Variants in CHRNA5 observed in about 807,000 individuals in gnomAD.
The protein encoded by CHRNA5 is neuronal acetylcholine receptor subunit alpha-5.
CHRNA5 carries 28 observed loss-of-function variants against 41.2 expected under a neutral mutation model. The ratio of observed to expected loss-of-function variants is 0.68; its 90% CI spans 0.50 to 0.93. The LOEUF is 0.93. Among genes scored for constraint, CHRNA5 ranks in the 40% least tolerant of loss-of-function variants. The pLI is 0.00. For missense variants in CHRNA5, 481 were observed against 581.9 expected (o/e 0.83, Z 1.78); for synonymous variants, 188 against 205.8 (o/e 0.91, Z 0.74).
intron 1 of CHRNA5, among the ~76,000 whole-genome samples, chr15:78,569,444 T>C (rs1345406880): frequency 6.6e-6 from 1 of 151,362 alleles, no homozygotes; most frequent in African/African-American, 2.4e-5. Context: ...TTTTTTTTTT[T>C]TTTTTTTGAG....
intron 2 of CHRNA5, among the ~76,000 whole-genome samples, chr15:78,585,791 CT>C (rs752254237): frequency 1.8e-4 from 23 of 130,568 alleles, no homozygotes; most frequent in Non-Finnish European, 1.7e-4. Context: ...TCTTTTCTTT[CT>C]TTTTTTTTTT....
intron 5 of CHRNA5, 35 bp downstream of exon 5, chr15:78,590,671 T>A: frequency 2.0e-6 from 3 of 1,537,630 alleles, no homozygotes; most frequent in Non-Finnish European, 2.6e-6. Context: ...CAGATCTTCT[T>A]CCATTTTAAG....
At position 78,571,683 on chromosome 15, in the gene CHRNA5, G is replaced by A. The variant is rs542036831; in HGVS notation, c.106+5858G>A. On this transcript the variant is annotated intron_variant, in intron 1 of 5. Transcript: ENST00000299565. Reference sequence around the variant, plus strand: ...CTAAGGTCATTCATTTTCTTACTGCGAGTGTTCTGAGAGTCAGGGTAAGAT... The same window carrying A: ...CTAAGGTCATTCATTTTCTTACTGCAAGTGTTCTGAGAGTCAGGGTAAGAT... Among the ~76,000 whole-genome samples the A allele has an allele frequency of 5.1e-4, 76 of 150,370 alleles. 1 individual carries two copies. In the South Asian group the frequency reaches 0.014, roughly 28 times the overall value.
rs540827931 is a variant in CHRNA5 at position 78,568,663 on chromosome 15, G to A, written c.106+2838G>A. The stretch of plus-strand genomic sequence containing the variant: ...CCAACCTCCCGACAGACCCTGATGT[G>A]TGATGTTCCCCTCCCTGTGTCCATG... On this transcript the variant is annotated intron_variant, in intron 1 of 5. Transcript: ENST00000299565. 2.0e-5 allele frequency among the ~76,000 whole-genome samples: 3 copies of A among 152,078 alleles called. No homozygotes were observed. In the East Asian group the frequency reaches 5.8e-4, roughly 29 times the overall value.
chr15:78,589,703 A>G, intron 4 of CHRNA5, 102 bp from the exon 5 acceptor site: 1 of 889,768 alleles, frequency 1.1e-6, no homozygotes, highest in Non-Finnish European at 1.7e-6. Flanking sequence ...AAATTATTTC[A>G]TGCAATCAAT....
chr15:78,573,633 T>A lies in CHRNA5; in HGVS notation c.107-7178T>A, dbSNP rs117349742. Reference sequence around the variant, plus strand: ...GGCAGAAACTTTAAATTATAGTTAATGTCTGTTTTTATCTGCAGGTTGGCA... The same window carrying A: ...GGCAGAAACTTTAAATTATAGTTAAAGTCTGTTTTTATCTGCAGGTTGGCA... On this transcript the variant is annotated intron_variant, in intron 1 of 5. Coordinates refer to ENST00000299565, the Ensembl canonical transcript of CHRNA5. Among the ~76,000 whole-genome samples the A allele has an allele frequency of 2.3e-3, 344 of 152,330 alleles. 1 individual carries two copies. The highest frequency in any genetic ancestry group is 5.4e-3 in the Admixed American group (83 of 15,300).
At position 78,588,192 on chromosome 15, in the gene CHRNA5, T is replaced by C; in HGVS notation, c.304-122T>C. On this transcript the variant is annotated intron_variant, in intron 3 of 5. Transcript: ENST00000299565. The surrounding 1 kb of genome is among the most constrained non-coding windows in gnomAD (Gnocchi z 4.1). ...CCATAATAAGAAAGACAGGGAGGTG[T>C]TCTCTATTGGGGGTAGAGATGATCT... The C allele has an allele frequency of 2.0e-6, 1 of 501,482 alleles. No homozygotes were observed. The highest frequency in any genetic ancestry group is 3.5e-4 in the Middle Eastern group (1 of 2,846). The allele number at this position is 501,482 out of a possible 1,614,324, so 31.1% of individuals were successfully genotyped here.
rs71148540 is a variant in CHRNA5 at position 78,570,424 on chromosome 15, A to ATTTTTTTTTTTTT, written c.106+4612_106+4624dup. ...CAGGCATGTGCCACCAATCCCGGCT[A>ATTTTTTTTTTTTT]TTTTTTTTTTTTTTTTTTTTTTTTT... On this transcript the variant is annotated intron_variant, in intron 1 of 5. Transcript: ENST00000299565. 4.3e-3 allele frequency among the ~76,000 whole-genome samples: 276 copies of ATTTTTTTTTTTTT among 64,156 alleles called. 45 individuals are homozygous for ATTTTTTTTTTTTT. Among genetic ancestry groups the ATTTTTTTTTTTTT allele is most frequent in the East Asian group, 0.042 (52 of 1,252 alleles). 42.1% of individuals were successfully genotyped at this position (64,156 alleles called of 152,430 possible).
chr15:78,565,792 G>A, exon 1 of CHRNA5: 2 of 1,222,784 alleles, frequency 1.6e-6, no homozygotes, highest in Non-Finnish European at 2.0e-6. Flanking sequence ...GGGGCGCTGC[G>A]GTCTAGCGGG....
Position 78,593,232 on chromosome 15 carries a change from T to A in CHRNA5, c.1386T>A (p.His462Gln), listed in dbSNP as rs76071148. The change falls in exon 6 of 6, where the codon CAT becomes CAA. Residue 462 changes from histidine to glutamine, a missense_variant. Transcript: ENST00000299565. ...GGGCAAATATATTAATACCAGTTCA[T>A]ATTGGAAATGCAAATAAGTGAAGCC... The A allele has an allele frequency of 8.3e-3, 13,395 of 1,610,914 alleles. 1,529 individuals are homozygous for A. In the East Asian group the frequency reaches 0.26, roughly 31 times the overall value.
exon 2 of CHRNA5, chr15:78,580,958 A>T (rs2052908818): frequency 6.2e-7 from 1 of 1,612,710 alleles, no homozygotes; most frequent in Non-Finnish European, 8.5e-7. Flanking sequence ...CAATTGGTGG[A>T]TGTGGTAGGT....
Position 78,590,360 on chromosome 15 carries a change from TG to T in CHRNA5, c.970del (p.Val324Ter), listed in dbSNP as rs1195110929. Reference sequence around the variant, plus strand: ...AGTATCTGGTATTTACCATGATTTTTGTGACACTGTCAATTATGGTAACCGT... The same window carrying T: ...AGTATCTGGTATTTACCATGATTTTTTGACACTGTCAATTATGGTAACCGT... On this transcript the variant is annotated frameshift_variant, in exon 5 of 6. Coordinates refer to ENST00000299565, the Ensembl canonical transcript of CHRNA5. LOFTEE classifies it high-confidence loss of function. 6.2e-6 allele frequency: 10 copies of T among 1,614,232 alleles called. No individual in the cohort carries two copies. The Admixed American group carries it at 1.7e-4, about 27-fold the overall frequency.
chr15:78,569,623 C>T lies in CHRNA5; in HGVS notation c.106+3798C>T, dbSNP rs541714280. 1.2e-3 allele frequency among the ~76,000 whole-genome samples: 180 copies of T among 150,362 alleles called. 1 individual carries two copies. The highest frequency in any genetic ancestry group is 3.5e-3 in the Middle Eastern group (1 of 286). Reference sequence around the variant, plus strand: ...TAATTTTTTGTATTTTTAGTAGAGACGGGGTTTCACCATGTTAGCCAGGAT... The same window carrying T: ...TAATTTTTTGTATTTTTAGTAGAGATGGGGTTTCACCATGTTAGCCAGGAT... On this transcript the variant is annotated intron_variant, in intron 1 of 5. Coordinates refer to ENST00000299565, the Ensembl canonical transcript of CHRNA5.
At chr15:78,566,664 A>G (rs2052750721) in intron 1 of CHRNA5, among the ~76,000 whole-genome samples, 1 of 152,244 alleles carries the variant, frequency 6.6e-6, no homozygotes, top group African/African-American at 2.4e-5. Flanking sequence ...AGTTTCTTAA[A>G]TAGTGGAAAT....
At chr15:78,568,854 G>A (rs547690592) in intron 1 of CHRNA5, among the ~76,000 whole-genome samples, 19 of 152,192 alleles carry the variant, frequency 1.2e-4, no homozygotes, top group African/African-American at 4.6e-4. Context: ...ATTTTAAATG[G>A]CTGAACCTTA....
chr15:78,576,293 C>T (rs2052856042), intron 1 of CHRNA5, among the ~76,000 whole-genome samples: 1 of 152,052 alleles, frequency 6.6e-6, no homozygotes, highest in Non-Finnish European at 1.5e-5. Flanking sequence ...ACCACAGGCG[C>T]GTGCTACACG....
At chr15:78,595,017 C>CACAA (rs2053077428) in exon 6 of CHRNA5, 1 of 152,362 alleles carries the variant, frequency 6.6e-6, no homozygotes, top group Middle Eastern at 3.4e-3. Flanking sequence ...CTGTTGAGAT[C>CACAA]ACAAACACCT....
intron 5 of CHRNA5, among the ~76,000 whole-genome samples, chr15:78,592,708 A>G (rs2053030405): frequency 6.6e-6 from 1 of 152,246 alleles, no homozygotes; most frequent in Admixed American, 6.5e-5. Flanking sequence ...TTGGCATGAA[A>G]TTAATCTCAG....
At chr15:78,574,056 G>A (rs1252552024) in intron 1 of CHRNA5, among the ~76,000 whole-genome samples, 29 of 142,094 alleles carry the variant, frequency 2.0e-4, no homozygotes, top group African/African-American at 7.7e-4. Context: ...CTCGTGATCC[G>A]CCCACCTCGG....
Sources: gnomAD v4.1 joint callset for allele counts (sites outside exome capture counted in the v4.1 genomes callset) on GRCh38, gnomAD v4.1.1 for gene constraint, Gnocchi (gnomAD v3.1) non-coding constraint, MANE v1.5 for transcripts, NCBI Gene and HGNC (gene_info 2026-07-23, HGNC 2026-07-21) for gene names.